NFIA: variants seen among roughly 807,000 people sequenced by gnomAD.
NFIA encodes the protein nuclear factor I A.
In NFIA, 8 loss-of-function variants were observed where a neutral mutation model predicts 62.8. That is an observed-to-expected ratio of 0.13 (90% CI 0.07 to 0.23). The LOEUF is 0.23. Among genes scored for constraint, NFIA ranks in the 10% least tolerant of loss-of-function variants. NFIA has a pLI of 1.00. For synonymous variants in NFIA, 235 were observed against 238.1 expected (o/e 0.99, Z 0.12); for missense variants, 410 against 642.1 (o/e 0.64, Z 3.91).
chr1:61,385,628 G>A (rs528732740), intron 7 of NFIA, among the ~76,000 whole-genome samples: 1 of 152,244 alleles, frequency 6.6e-6, no homozygotes, highest in South Asian at 2.1e-4. Context: ...TAAAACTGTA[G>A]TTCTAGAAAT....
intron 2 of NFIA, among the ~76,000 whole-genome samples, chr1:61,268,974 C>T (rs1000904611): frequency 6.6e-6 from 1 of 152,072 alleles, no homozygotes; most frequent in African/African-American, 2.4e-5. Flanking sequence ...TCCCTTGCCT[C>T]GTTGTTTGGG....
At chr1:61,391,545 C>A (rs1664986714) in intron 7 of NFIA, among the ~76,000 whole-genome samples, 1 of 150,980 alleles carries the variant, frequency 6.6e-6, no homozygotes, top group East Asian at 1.9e-4. Flanking sequence ...CCATGCCCAG[C>A]CTAATATATG....
chr1:61,261,783 A>G (rs1656788395), intron 2 of NFIA, among the ~76,000 whole-genome samples: 2 of 152,220 alleles, frequency 1.3e-5, no homozygotes. Flanking sequence ...TCTTATTACA[A>G]CAAAACTAAT....
At chr1:61,399,531 G>A (rs568926139) in intron 7 of NFIA, among the ~76,000 whole-genome samples, 1 of 152,270 alleles carries the variant, frequency 6.6e-6, no homozygotes, top group African/African-American at 2.4e-5. Flanking sequence ...GCAATGTCAG[G>A]GTTATAATAC....
chr1:61,389,984 T>C (rs1472126194), intron 7 of NFIA, among the ~76,000 whole-genome samples: 1 of 152,214 alleles, frequency 6.6e-6, no homozygotes, highest in Non-Finnish European at 1.5e-5. Context: ...CAAGATGCTC[T>C]AGTAGTAGAG....
In NFIA at chr1:61,383,679, A is replaced by T. The variant is rs547069516; in HGVS notation, c.1075+314A>T. Among the ~76,000 whole-genome samples, 275 of 151,528 alleles carry T rather than the reference A, an allele frequency of 1.8e-3. 1 individual carries two copies. The highest frequency in any genetic ancestry group is 6.4e-3 in the African/African-American group (262 of 41,012). ...TACAAGTTGTGTGTGTGTGTGTGTG[A>T]GAGAGAGAGACAGAATGTGTGTGTG... On this transcript the variant is annotated intron_variant, in intron 7 of 10. Transcript: ENST00000403491.
At chr1:61,384,181 C>T (rs1361742047) in intron 7 of NFIA, among the ~76,000 whole-genome samples, 1 of 152,114 alleles carries the variant, frequency 6.6e-6, no homozygotes, top group African/African-American at 2.4e-5. Flanking sequence ...TTAGGTAGGT[C>T]TGTGACCTAC....
intron 10 of NFIA, among the ~76,000 whole-genome samples, chr1:61,438,518 G>A: frequency 6.6e-6 from 1 of 152,120 alleles, no homozygotes; most frequent in East Asian, 1.9e-4. Context: ...ATCCTCCCGT[G>A]TCCATTTTCC....
At chr1:61,108,070 A>G (rs912376363) in intron 2 of NFIA, among the ~76,000 whole-genome samples, 5 of 151,718 alleles carry the variant, frequency 3.3e-5, no homozygotes, top group South Asian at 2.1e-4. Flanking sequence ...ATGAGTCTTG[A>G]TAAAGCAAAA....
At chr1:61,430,418 C>T (rs1188198634) in intron 10 of NFIA, among the ~76,000 whole-genome samples, 4 of 152,070 alleles carry the variant, frequency 2.6e-5, no homozygotes, top group Non-Finnish European at 5.9e-5. Flanking sequence ...TGTATAAATC[C>T]ATCCAGAGTG....
At chr1:61,217,062 C>CT (rs36086183) in intron 2 of NFIA, among the ~76,000 whole-genome samples, 11,231 of 135,160 alleles carry the variant, frequency 0.083, 623 homozygotes, top group East Asian at 0.2. Flanking sequence ...TTTCTTTTTT[C>CT]TTTTTTTTTT....
At chr1:61,246,045 A>G (rs192617221) in intron 2 of NFIA, among the ~76,000 whole-genome samples, 111 of 152,340 alleles carry the variant, frequency 7.3e-4, no homozygotes, top group African/African-American at 2.6e-3. Flanking sequence ...AATCCGGCAC[A>G]TAATTAAAAA....
At chr1:61,111,815 G>A (rs1270470368) in intron 2 of NFIA, among the ~76,000 whole-genome samples, 1 of 152,072 alleles carries the variant, frequency 6.6e-6, no homozygotes, top group African/African-American at 2.4e-5. Context: ...GTTGTAAAAT[G>A]TCAGACTGTC....
intron 2 of NFIA, among the ~76,000 whole-genome samples, chr1:61,271,554 A>AAGGG (rs1657507557): frequency 6.6e-6 from 1 of 152,118 alleles, no homozygotes; most frequent in Admixed American, 6.5e-5. Flanking sequence ...GTGGATCTCC[A>AAGGG]GAGCAGCTGG....
intron 4 of NFIA, among the ~76,000 whole-genome samples, chr1:61,347,870 T>A (rs998438515): frequency 6.6e-6 from 1 of 152,192 alleles, no homozygotes; most frequent in Non-Finnish European, 1.5e-5. Flanking sequence ...GAGGTCAGTA[T>A]CCTTACATTT....
chr1:61,382,219 A>AC (rs1429720376), intron 6 of NFIA, among the ~76,000 whole-genome samples: 2 of 152,298 alleles, frequency 1.3e-5, no homozygotes, highest in African/African-American at 4.8e-5. Context: ...AAACTGATAG[A>AC]TGCCTCCAGT....
At chr1:61,360,535 C>T (rs933818428) in intron 6 of NFIA, among the ~76,000 whole-genome samples, 4 of 152,236 alleles carry the variant, frequency 2.6e-5, no homozygotes, top group Admixed American at 6.5e-5. Context: ...CCTTCCCCAG[C>T]TTTTGCTTCA....
chr1:61,160,185 C>T (rs1031866074), intron 2 of NFIA, among the ~76,000 whole-genome samples: 4 of 152,126 alleles, frequency 2.6e-5, no homozygotes, highest in African/African-American at 9.7e-5. Flanking sequence ...AATCATCTCC[C>T]CTGGTCCCCT....
intron 2 of NFIA, chr1:61,248,993 A>G (rs1655835330): frequency 1.3e-5 from 2 of 152,236 alleles, no homozygotes; most frequent in Admixed American, 6.5e-5. Context: ...TATGCAACCA[A>G]TCTGTGTATA....
Sources: allele counts gnomAD v4.1 joint callset (sites outside exome capture counted in the v4.1 genomes callset), GRCh38; gene constraint gnomAD v4.1.1; transcripts MANE v1.5; gene names NCBI Gene and HGNC (gene_info 2026-07-23, HGNC 2026-07-21).